Variants in LYPLAL1 observed in about 807,000 individuals in gnomAD.
LYPLAL1 encodes the protein lysophospholipase like 1, also known as lysophospholipase-like protein 1.
LYPLAL1 carries 23 observed loss-of-function variants against 19.7 expected under a neutral mutation model. The observed-to-expected ratio is 1.17, with a 90% confidence interval of 0.84 to 1.65. The LOEUF is 1.65. Ranked by LOEUF, LYPLAL1 falls within the 40% of genes most tolerant of loss-of-function variation. The pLI is 0.00. For missense variants in LYPLAL1, 355 were observed against 279.4 expected, an observed-to-expected ratio of 1.27 and a Z score of -1.93; for synonymous variants, 119 against 96.3, an observed-to-expected ratio of 1.24 and a Z score of -1.38.
chr1:219,440,823 C>A, the LYPLAL1 span, among the ~76,000 whole-genome samples: 1 of 152,152 alleles, frequency 6.6e-6, no homozygotes. Flanking sequence ...TATAATATCA[C>A]CTTTCTGCTA....
the LYPLAL1 span, among the ~76,000 whole-genome samples, chr1:219,354,819 A>G: frequency 2.6e-5 from 4 of 152,210 alleles, no homozygotes; most frequent in Non-Finnish European, 4.4e-5. Context: ...TTTATAAAAA[A>G]AATTGAAGAG....
chr1:219,335,237 T>C, the LYPLAL1 span, among the ~76,000 whole-genome samples: 2 of 151,986 alleles, frequency 1.3e-5, no homozygotes, highest in Admixed American at 1.3e-4. Context: ...CCATCGATAC[T>C]ATCCCCTCCT....
At chr1:219,389,634 G>T in the LYPLAL1 span, among the ~76,000 whole-genome samples, 1 of 152,198 alleles carries the variant, frequency 6.6e-6, no homozygotes, top group Non-Finnish European at 1.5e-5. Context: ...GTTTTGGGTT[G>T]TCATGTCCTG....
the LYPLAL1 span, among the ~76,000 whole-genome samples, chr1:219,394,984 A>G: frequency 6.6e-6 from 1 of 152,170 alleles, no homozygotes; most frequent in Non-Finnish European, 1.5e-5. Context: ...GCTGCACTTC[A>G]TGTTGTATAC....
the LYPLAL1 span, among the ~76,000 whole-genome samples, chr1:219,326,810 C>T: frequency 5.9e-5 from 9 of 152,206 alleles, no homozygotes; most frequent in African/African-American, 1.9e-4. Context: ...AAACAGGTTG[C>T]GGCATGGGAT....
At chr1:219,267,752 A>G in the LYPLAL1 span, among the ~76,000 whole-genome samples, 3 of 152,230 alleles carry the variant, frequency 2.0e-5, no homozygotes, top group Non-Finnish European at 2.9e-5. Flanking sequence ...TCAGCTGATA[A>G]ATTGCAGAGT....
At chr1:219,294,303 CT>C in the LYPLAL1 span, among the ~76,000 whole-genome samples, 28 of 152,286 alleles carry the variant, frequency 1.8e-4, no homozygotes, top group African/African-American at 6.7e-4. Flanking sequence ...GTCAAGGATC[CT>C]TGTGGATGTT....
chr1:219,222,175 G>C, the LYPLAL1 span: 1 of 12,030 alleles, frequency 8.3e-5, no homozygotes, highest in African/African-American at 1.4e-4. Flanking sequence ...AAGGCAGTGA[G>C]AGGAGGAGGG....
At chr1:219,273,718 G>A in the LYPLAL1 span, among the ~76,000 whole-genome samples, 3 of 152,036 alleles carry the variant, frequency 2.0e-5, no homozygotes, top group Non-Finnish European at 4.4e-5. Context: ...CATACATTTT[G>A]TCCTCTTTCT....
the LYPLAL1 span, among the ~76,000 whole-genome samples, chr1:219,300,322 A>G: frequency 6.6e-6 from 1 of 152,080 alleles, no homozygotes; most frequent in South Asian, 2.1e-4. Context: ...CATAAGGAAA[A>G]GTATGGTTAA....
the LYPLAL1 span, among the ~76,000 whole-genome samples, chr1:219,428,325 G>C: frequency 2.4e-3 from 365 of 152,296 alleles, 1 homozygote; most frequent in African/African-American, 8.4e-3. Context: ...AGTTTTGCCA[G>C]GGAAACATGA....
the LYPLAL1 span, chr1:219,223,131 T>C: frequency 2.6e-5 from 4 of 151,826 alleles, no homozygotes; most frequent in Non-Finnish European, 5.9e-5. Flanking sequence ...AGAATGAATG[T>C]TAATACTAGA....
the LYPLAL1 span, among the ~76,000 whole-genome samples, chr1:219,444,876 T>C: frequency 1.3e-5 from 2 of 152,194 alleles, no homozygotes; most frequent in East Asian, 1.9e-4. Flanking sequence ...TCTACTCCCA[T>C]TATTTTTTTT....
chr1:219,367,176 A>T, the LYPLAL1 span, among the ~76,000 whole-genome samples: 1 of 152,136 alleles, frequency 6.6e-6, no homozygotes, highest in East Asian at 1.9e-4. Flanking sequence ...AGTAAACAAA[A>T]GGCATCATTC....
chr1:219,418,066 C>T, the LYPLAL1 span, among the ~76,000 whole-genome samples: 2 of 152,158 alleles, frequency 1.3e-5, no homozygotes, highest in Non-Finnish European at 1.5e-5. Flanking sequence ...TCAGCTACTG[C>T]GTTCTCTCCT....
the LYPLAL1 span, among the ~76,000 whole-genome samples, chr1:219,365,986 G>A: frequency 1.3e-5 from 2 of 152,126 alleles, no homozygotes; most frequent in African/African-American, 4.8e-5. Flanking sequence ...TAATCCAGAT[G>A]TTTGATTTTG....
chr1:219,267,859 T>C, the LYPLAL1 span, among the ~76,000 whole-genome samples: 1 of 152,204 alleles, frequency 6.6e-6, no homozygotes, highest in East Asian at 1.9e-4. Context: ...TACGTATTTC[T>C]GAGTCCCACC....
At chr1:219,273,260 C>T in the LYPLAL1 span, 1 of 152,212 alleles carries the variant, frequency 6.6e-6, no homozygotes, top group East Asian at 1.9e-4. Flanking sequence ...CTTGACACAA[C>T]TGCAATAAAA....
chr1:219,227,370 T>C, the LYPLAL1 span, among the ~76,000 whole-genome samples: 3 of 152,222 alleles, frequency 2.0e-5, no homozygotes, highest in Non-Finnish European at 4.4e-5. Flanking sequence ...TGTTTCGATA[T>C]TGTGTTTTTC....
Sources: allele counts gnomAD v4.1 joint callset (sites outside exome capture counted in the v4.1 genomes callset), GRCh38; gene constraint gnomAD v4.1.1; transcripts MANE v1.5; gene names NCBI Gene and HGNC (gene_info 2026-07-23, HGNC 2026-07-21).